MCMDC2: variants seen among roughly 807,000 people sequenced by gnomAD.
MCMDC2 encodes minichromosome maintenance domain containing 2, also known as minichromosome maintenance domain-containing protein 2.
Under a neutral mutation model 75.8 loss-of-function variants are expected in MCMDC2, and 54 were observed. The ratio of observed to expected loss-of-function variants is 0.71; its 90% CI spans 0.57 to 0.89. MCMDC2 has a LOEUF of 0.89. MCMDC2 is among the 40% of genes least tolerant of loss of function. The pLI, the probability that MCMDC2 is intolerant of heterozygous loss-of-function variation, is 0.00. For synonymous variants in MCMDC2, 249 were observed against 274.6 expected (o/e 0.91, Z 0.92); for missense variants, 656 against 780.4 (o/e 0.84, Z 1.90).
Position 66,881,637 on chromosome 8 carries a change from T to C in MCMDC2, c.835+663T>C, listed in dbSNP as rs1042449844. ...GGAGGCAGAGGTTGCAGTGAGGCAA[T>C]ATTGTACCACTGTATTCCAGCCTGA... On this transcript the variant is annotated intron_variant, in intron 8 of 14. Transcript: ENST00000422365. Among the ~76,000 whole-genome samples, 5 of 151,994 alleles carry C rather than the reference T, an allele frequency of 3.3e-5. No individual in the cohort carries two copies. The East Asian group carries it at 5.8e-4, about 18-fold the overall frequency.
chr8:66,888,714 T>TATTCTGTGACCTTCTTTTA (rs1373781452), intron 9 of MCMDC2, among the ~76,000 whole-genome samples: 1 of 152,248 alleles, frequency 6.6e-6, no homozygotes, highest in Non-Finnish European at 1.5e-5. Context: ...TTTGACTTTG[T>TATTCTGTGACCTTCTTTTA]ATTCTGTGAC....
In MCMDC2 at chr8:66,905,156, G is replaced by T. The variant is rs1812855181; in HGVS notation, c.1770-70G>T. On this transcript the variant is annotated intron_variant, in intron 13 of 14. Coordinates refer to ENST00000422365, the MANE Select transcript of MCMDC2 (RefSeq NM_173518.5). ...CTAAGGTTCATATATATCTCGATTT[G>T]TTCCTGCCAAAATATATATTATTTT... 6 of 1,222,240 alleles carry T rather than the reference G, an allele frequency of 4.9e-6. No homozygotes were observed. The Admixed American group carries it at 1.9e-4, about 38-fold the overall frequency. The allele number at this position is 1,222,240 out of a possible 1,614,324, so 75.7% of individuals were successfully genotyped here.
intron 14 of MCMDC2, among the ~76,000 whole-genome samples, chr8:66,915,946 A>G (rs142603842): frequency 3.5e-4 from 54 of 152,294 alleles, no homozygotes; most frequent in African/African-American, 1.3e-3. Context: ...AGAGTGGTCA[A>G]CTGAATCACA....
rs969574214 is a variant in MCMDC2 at position 66,921,945 on chromosome 8, G to C, written c.*2776G>C. On this transcript the variant is annotated 3_prime_UTR_variant, in exon 15 of 15. Coordinates refer to ENST00000422365, the MANE Select transcript of MCMDC2 (RefSeq NM_173518.5). ...GGAGCTATTTAGAGTTGATTTAAAA[G>C]AAAACACTTTATTGTTCAGCAATTA... The C allele has an allele frequency of 6.6e-6, 1 of 152,584 alleles. No homozygotes were observed. The highest frequency in any genetic ancestry group is 1.5e-5 in the Non-Finnish European group (1 of 68,354). 9.5% of individuals were successfully genotyped at this position (152,584 alleles called of 1,614,324 possible).
At chr8:66,891,141 A>AT in intron 10 of MCMDC2, 71 bp downstream of exon 10, 2 of 1,271,060 alleles carry the variant, frequency 1.6e-6, no homozygotes, top group Non-Finnish European at 2.2e-6. Context: ...GATACTTAAC[A>AT]GTTAAGATAG....
At chr8:66,871,317 T>C (rs1585838577) in intron 1 of MCMDC2, among the ~76,000 whole-genome samples, 1 of 152,080 alleles carries the variant, frequency 6.6e-6, no homozygotes. Context: ...CAAGGGAACT[T>C]TTCCTCATGT....
intron 12 of MCMDC2, among the ~76,000 whole-genome samples, chr8:66,900,033 G>C (rs1812574484): frequency 6.6e-6 from 1 of 152,100 alleles, no homozygotes; most frequent in African/African-American, 2.4e-5. Context: ...CTACTCAGGA[G>C]GCTGAGGCAG....
intron 14 of MCMDC2, among the ~76,000 whole-genome samples, chr8:66,907,261 G>A (rs1474956518): frequency 3.3e-5 from 5 of 152,024 alleles, no homozygotes; most frequent in Non-Finnish European, 5.9e-5. Flanking sequence ...AGTGTGTGAT[G>A]TTCCCCTCCC....
intron 10 of MCMDC2, among the ~76,000 whole-genome samples, chr8:66,895,215 T>C (rs1020220332): frequency 2.0e-5 from 3 of 152,208 alleles, no homozygotes; most frequent in African/African-American, 7.2e-5. Context: ...ATTGTTGTTA[T>C]TGTTTTATTT....
At chr8:66,917,663 G>C (rs558586433) in intron 14 of MCMDC2, among the ~76,000 whole-genome samples, 13 of 152,074 alleles carry the variant, frequency 8.5e-5, no homozygotes, top group Non-Finnish European at 1.3e-4. Context: ...TCATACATTT[G>C]TCCTTTCATA....
intron 12 of MCMDC2, among the ~76,000 whole-genome samples, chr8:66,898,008 G>A (rs1043134053): frequency 3.9e-5 from 6 of 151,972 alleles, no homozygotes; most frequent in African/African-American, 9.7e-5. Context: ...AGGCGAAATC[G>A]TCTTAAAAAT....
At chr8:66,876,107 A>G (rs1482859806) in intron 4 of MCMDC2, among the ~76,000 whole-genome samples, 1 of 152,226 alleles carries the variant, frequency 6.6e-6, no homozygotes, top group Admixed American at 6.5e-5. Flanking sequence ...TCCATTATAC[A>G]ATTTCCCATC....
Position 66,874,458 on chromosome 8 carries a change from T to C in MCMDC2, c.225+2T>C. 6.2e-7 allele frequency: 1 copy of C among 1,611,730 alleles called. No individual in the cohort carries two copies. Among genetic ancestry groups the C allele is most frequent in the Non-Finnish European group, 8.5e-7 (1 of 1,179,506 alleles). On this transcript the variant is annotated splice_donor_variant, in intron 3 of 14. Coordinates refer to ENST00000422365, the MANE Select transcript of MCMDC2 (RefSeq NM_173518.5). LOFTEE classifies it high-confidence loss of function. Reference sequence around the variant, plus strand: ...AAAGCTGCTGAAGTCTTTCAATCAGTAAGTCAAAAAAAGAAATAATTTTAT... The same window carrying C: ...AAAGCTGCTGAAGTCTTTCAATCAGCAAGTCAAAAAAAGAAATAATTTTAT...
At chr8:66,911,229 G>A (rs1412683533) in intron 14 of MCMDC2, among the ~76,000 whole-genome samples, 1 of 152,170 alleles carries the variant, frequency 6.6e-6, no homozygotes, top group Non-Finnish European at 1.5e-5. Flanking sequence ...GAAGGTAACT[G>A]AATCATGGGG....
At chr8:66,899,570 A>G (rs1812533142) in intron 12 of MCMDC2, among the ~76,000 whole-genome samples, 1 of 152,018 alleles carries the variant, frequency 6.6e-6, no homozygotes, top group Admixed American at 6.5e-5. Context: ...ATCTTGGCTC[A>G]TTGCAACCTC....
chr8:66,885,066 G>C (rs1811772123), intron 9 of MCMDC2, among the ~76,000 whole-genome samples: 1 of 152,164 alleles, frequency 6.6e-6, no homozygotes, highest in Non-Finnish European at 1.5e-5. Context: ...GGGCGTGGTG[G>C]CTCAAGCCTG....
chr8:66,889,538 GTAA>G, intron 9 of MCMDC2, among the ~76,000 whole-genome samples: 1 of 152,254 alleles, frequency 6.6e-6, no homozygotes, highest in South Asian at 2.1e-4. Flanking sequence ...GCTCAAGCCT[GTAA>G]TCCCAGCGCT....
intron 8 of MCMDC2, among the ~76,000 whole-genome samples, chr8:66,881,843 G>A (rs1172937845): frequency 6.6e-6 from 1 of 152,222 alleles, no homozygotes; most frequent in Non-Finnish European, 1.5e-5. Context: ...AACAAAAGTG[G>A]AGAGCAGACC....
intron 4 of MCMDC2, among the ~76,000 whole-genome samples, chr8:66,875,471 G>T (rs1168142833): frequency 6.6e-6 from 1 of 152,074 alleles, no homozygotes; most frequent in African/African-American, 2.4e-5. Flanking sequence ...TAAAGACGAG[G>T]TTTCTCCATG....
Sources: gnomAD v4.1 joint callset for allele counts (sites outside exome capture counted in the v4.1 genomes callset) on GRCh38, gnomAD v4.1.1 for gene constraint, MANE v1.5 for transcripts, NCBI Gene and HGNC (gene_info 2026-07-23, HGNC 2026-07-21) for gene names.